The following PTPDC1 variants were observed in gnomAD, a reference collection of about 807,000 sequenced individuals.
PTPDC1 encodes the protein protein tyrosine phosphatase domain-containing protein 1.
PTPDC1 carries 53 observed loss-of-function variants against 75.3 expected under a neutral mutation model. That is an observed-to-expected ratio of 0.70 (90% CI 0.56 to 0.88). The LOEUF is 0.88. Among genes scored for constraint, PTPDC1 ranks in the 40% least tolerant of loss-of-function variants. PTPDC1 has a pLI of 0.00. For missense variants in PTPDC1, 925 were observed against 998.6 expected (o/e 0.93, Z 0.99); for synonymous variants, 349 against 366.2 (o/e 0.95, Z 0.54).
intron 2 of PTPDC1, among the ~76,000 whole-genome samples, chr9:94,069,522 CTTT>C (rs564996961): frequency 2.2e-5 from 3 of 135,758 alleles, no homozygotes; most frequent in African/African-American, 5.4e-5. Flanking sequence ...ACTTCCAATT[CTTT>C]TTTTTTTTTT....
chr9:94,045,178 A>AT (rs1158122817), intron 1 of PTPDC1, among the ~76,000 whole-genome samples: 4 of 151,570 alleles, frequency 2.6e-5, no homozygotes, highest in Non-Finnish European at 4.4e-5. Context: ...TGAACTCATC[A>AT]TTTTTTATGG....
At chr9:94,071,892 CTT>C (rs891570078) in intron 2 of PTPDC1, among the ~76,000 whole-genome samples, 32 of 152,128 alleles carry the variant, frequency 2.1e-4, no homozygotes, top group African/African-American at 7.7e-4. Flanking sequence ...TTTTTTATAT[CTT>C]TGATTTATTT....
rs1443913177 is a variant in PTPDC1, at chr9:94,089,298, C to T, written c.616+1035C>T. ...CCTGTGTCCATGTAATCTCATTGTT[C>T]AATTCCCACCTATGAGTGAGAATAT... On this transcript the variant is annotated intron_variant, in intron 4 of 8. Coordinates refer to ENST00000620992, the MANE Select transcript of PTPDC1 (RefSeq NM_001253829.2). Among the ~76,000 whole-genome samples the T allele has an allele frequency of 9.4e-5, 14 of 148,488 alleles. No individual in the cohort carries two copies. The Admixed American group carries it at 9.5e-4, about 10-fold the overall frequency.
intron 1 of PTPDC1, among the ~76,000 whole-genome samples, chr9:94,060,640 T>C (rs1360961320): frequency 6.6e-6 from 1 of 152,112 alleles, no homozygotes; most frequent in Non-Finnish European, 1.5e-5. Context: ...CTTTTACTCA[T>C]AGCAGAAGGC....
At chr9:94,069,329 C>G (rs1420715218) in intron 2 of PTPDC1, among the ~76,000 whole-genome samples, 3 of 152,180 alleles carry the variant, frequency 2.0e-5, no homozygotes, top group Non-Finnish European at 4.4e-5. Context: ...GTCTCACAGT[C>G]TCCTCTGTGG....
At chr9:94,091,713 T>C (rs1446314134) in intron 4 of PTPDC1, among the ~76,000 whole-genome samples, 4 of 152,242 alleles carry the variant, frequency 2.6e-5, no homozygotes, top group Non-Finnish European at 4.4e-5. Context: ...CATCTGGTCC[T>C]GTACTCTTTT....
intron 1 of PTPDC1, among the ~76,000 whole-genome samples, chr9:94,064,438 A>T (rs1826234348): frequency 6.6e-6 from 1 of 152,246 alleles, no homozygotes; most frequent in Non-Finnish European, 1.5e-5. Context: ...AACTTTTCTC[A>T]ATGGAAACTG....
chr9:94,051,289 G>C (rs147007307), intron 1 of PTPDC1, among the ~76,000 whole-genome samples: 1 of 152,106 alleles, frequency 6.6e-6, no homozygotes, highest in Non-Finnish European at 1.5e-5. Context: ...GAAATCACCC[G>C]TCTTCTGTGT....
In PTPDC1 at chr9:94,084,761, A is replaced by G; in HGVS notation, c.231A>G (p.Glu77=). The G allele has an allele frequency of 6.4e-7, 1 of 1,569,922 alleles. No homozygotes were observed. The highest frequency in any genetic ancestry group is 8.6e-7 in the Non-Finnish European group (1 of 1,161,186). The part of the protein sequence containing the change: ...SHAEGNPTFP[E]RKSKGNLERP... ...CAGAGGGAAACCCAACTTTCCCCGAAAGAAAAAGTAAAGGTCTCTTTCTTC... is the reference window on the plus strand; with the variant it reads ...CAGAGGGAAACCCAACTTTCCCCGAGAGAAAAAGTAAAGGTCTCTTTCTTC... Residue 77 remains glutamate, a synonymous_variant, in exon 1 of 9, where the codon GAA becomes GAG. Coordinates refer to ENST00000620992, the MANE Select transcript of PTPDC1 (RefSeq NM_001253829.2).
At chr9:94,077,451 T>C (rs1826732908) in intron 2 of PTPDC1, among the ~76,000 whole-genome samples, 1 of 152,240 alleles carries the variant, frequency 6.6e-6, no homozygotes, top group Admixed American at 6.5e-5. Flanking sequence ...TGACTGGCTA[T>C]AAATTGGGGT....
At chr9:94,095,206 C>G in intron 4 of PTPDC1, 111 bp from the exon 5 acceptor site, 1 of 778,922 alleles carries the variant, frequency 1.3e-6, no homozygotes, top group Non-Finnish European at 2.1e-6. Context: ...AGTGTATGCA[C>G]TGAGATCTAC....
At chr9:94,107,011 T>G (rs1257891517) in intron 8 of PTPDC1, among the ~76,000 whole-genome samples, 1 of 152,218 alleles carries the variant, frequency 6.6e-6, no homozygotes, top group African/African-American at 2.4e-5. Flanking sequence ...TGGAGTGCAG[T>G]GGCACAATCT....
At chr9:94,032,948 A>C (rs1159139902) in intron 1 of PTPDC1, among the ~76,000 whole-genome samples, 2 of 152,124 alleles carry the variant, frequency 1.3e-5, no homozygotes, top group Non-Finnish European at 2.9e-5. Flanking sequence ...TGCATCCTCA[A>C]CCTGCCAGGC....
rs1392167242 is a variant in PTPDC1, at chr9:94,108,041, A to G, written c.*97A>G. 3 of 544,362 alleles carry G rather than the reference A, an allele frequency of 5.5e-6. No individual in the cohort carries two copies. In the Admixed American group the frequency reaches 1.3e-4, roughly 23 times the overall value. The allele number at this position is 544,362 out of a possible 1,614,324, so 33.7% of individuals were successfully genotyped here. On this transcript the variant is annotated 3_prime_UTR_variant, in exon 9 of 9. Transcript: ENST00000620992. ...AGATTGTGGGGCTACTTTTTCTCAT[A>G]GCACTTTATTTTGAATGTTGTTAGT...
intron 1 of PTPDC1, among the ~76,000 whole-genome samples, chr9:94,053,089 A>C (rs1825831994): frequency 6.6e-6 from 1 of 152,170 alleles, no homozygotes; most frequent in East Asian, 1.9e-4. Context: ...TAAATGATGA[A>C]ATAGCAGAGT....
intron 1 of PTPDC1, among the ~76,000 whole-genome samples, chr9:94,051,242 C>T (rs1442785739): frequency 6.6e-6 from 1 of 152,192 alleles, no homozygotes; most frequent in African/African-American, 2.4e-5. Flanking sequence ...TTGACACTCC[C>T]CAGTGAGATG....
chr9:94,047,198 C>G (rs1201092929), intron 1 of PTPDC1, among the ~76,000 whole-genome samples: 41 of 152,162 alleles, frequency 2.7e-4, no homozygotes, highest in Admixed American at 2.4e-3. Flanking sequence ...ATGAAGCCCA[C>G]TTGATCATGG....
chr9:94,082,168 C>G (rs1238279227), upstream of PTPDC1, among the ~76,000 whole-genome samples: 2 of 152,224 alleles, frequency 1.3e-5, no homozygotes, highest in African/African-American at 4.8e-5. Flanking sequence ...AGTCAGTTCC[C>G]TTGTGAAAAG....
At position 94,085,283 on chromosome 9, in the gene PTPDC1, A is replaced by G; in HGVS notation, c.277A>G (p.Lys93Glu). Residue 93 changes from lysine to glutamate, a missense_variant, in exon 2 of 9, where the codon AAA becomes GAA. Transcript: ENST00000620992. ...AGAACGTCCAACACCAAAGTACACA[A>G]AAGTAGGGGAGCGTTTACGGCATGT... is the stretch of plus-strand genomic sequence containing the variant. ...NLERPTPKYTKVGERLRHVIP... is the reference protein window; with the variant it reads ...NLERPTPKYTEVGERLRHVIP... The G allele has an allele frequency of 6.2e-7, 1 of 1,614,162 alleles. No individual in the cohort carries two copies. Among genetic ancestry groups the G allele is most frequent in the Non-Finnish European group, 8.5e-7 (1 of 1,180,020 alleles).
Sources: allele counts gnomAD v4.1 joint callset (sites outside exome capture counted in the v4.1 genomes callset), GRCh38; gene constraint gnomAD v4.1.1; transcripts MANE v1.5; gene names NCBI Gene and HGNC (gene_info 2026-07-23, HGNC 2026-07-21).